The following COX4I2 variants were observed in gnomAD, a reference collection of about 807,000 sequenced individuals.
The protein encoded by COX4I2 is cytochrome c oxidase subunit 4 isoform 2, mitochondrial.
In COX4I2, 15 loss-of-function variants were observed where a neutral mutation model predicts 20.8. The ratio of observed to expected loss-of-function variants is 0.72; its 90% CI spans 0.48 to 1.11. COX4I2 has a LOEUF of 1.11. COX4I2 is among the 50% of genes most tolerant of loss of function. The pLI is 0.00. For missense variants in COX4I2, 224 were observed against 223.0 expected, an observed-to-expected ratio of 1.00 and a Z score of -0.03; for synonymous variants, 80 against 78.1, an observed-to-expected ratio of 1.02 and a Z score of -0.13.
In COX4I2 at chr20:31,640,067, A is replaced by C. The variant is rs768099691; in HGVS notation, c.217A>C (p.Thr73Pro). Reference protein sequence around the residue: ...ALKEKEKGSWTQLTHAEKVAL... With the variant: ...ALKEKEKGSWPQLTHAEKVAL... ...GAAGGAGAAGGAGAAGGGAAGCTGG[A>C]CCCAGCTGACCCACGCCGAAAAGGT... The change falls in exon 3 of 5, where the codon ACC becomes CCC. Residue 73 changes from threonine to proline, a missense_variant. By Grantham distance (38) the Thr-to-Pro change is conservative. Transcript: ENST00000376075. 53 of 1,612,578 alleles carry C rather than the reference A, an allele frequency of 3.3e-5. No individual in the cohort carries two copies. The highest frequency in any genetic ancestry group is 4.0e-5 in the Non-Finnish European group (47 of 1,179,958).
intron 2 of COX4I2, 40 bp downstream of exon 2, chr20:31,639,139 A>G: frequency 6.3e-7 from 1 of 1,577,042 alleles, no homozygotes; most frequent in Non-Finnish European, 8.6e-7. Flanking sequence ...AACTCCAGAG[A>G]TAGGGGCAGG....
chr20:31,642,004 CTATT>C (rs966646469), intron 3 of COX4I2, among the ~76,000 whole-genome samples: 40 of 151,972 alleles, frequency 2.6e-4, no homozygotes, highest in Non-Finnish European at 5.1e-4. Flanking sequence ...CCATGCCCGG[CTATT>C]TATTTATTTA....
At chr20:31,639,905 G>T in intron 2 of COX4I2, 28 bp from the exon 3 acceptor site, 1 of 1,613,646 alleles carries the variant, frequency 6.2e-7, no homozygotes, top group Non-Finnish European at 8.5e-7. Context: ...GGGCAGCCTG[G>T]ACTCAGCTCC....
intron 1 of COX4I2, 111 bp downstream of exon 1, chr20:31,638,073 GGTTGGGGGGCTTCTTGTAGGTTAGA>G (rs1228697166): frequency 1.3e-5 from 2 of 152,206 alleles, no homozygotes; most frequent in Non-Finnish European, 2.9e-5. Context: ...TGTCTTAGAG[GGTTGGGGGGCTTCTTGTAGGTTAGA>G]GTTGAAGACT....
chr20:31,643,429 C>G lies in COX4I2; in HGVS notation c.273C>G (p.Thr91=), dbSNP rs537859985. The change falls in exon 4 of 5, where the codon ACC becomes ACG. Residue 91 remains threonine, a synonymous_variant. Coordinates refer to ENST00000376075, the MANE Select transcript of COX4I2 (RefSeq NM_032609.3). ...TGTACCGGCTCCAGTTCAATGAGAC[C>G]TTTGCGGAGATGAACCGTCGCTCCA... ...VALYRLQFNE[T]FAEMNRRSNE... The G allele has an allele frequency of 4.3e-6, 7 of 1,614,172 alleles. No individual in the cohort carries two copies. The highest frequency in any genetic ancestry group is 3.3e-5 in the South Asian group (3 of 91,084).
Position 31,640,036 on chromosome 20 carries a change from G to T in COX4I2, c.186G>T (p.Gln62His). ...PFCTELNAEE[Q>H]ALKEKEKGSW... is the part of the protein sequence containing the mutation. Reference sequence around the variant, plus strand: ...GCACAGAACTCAACGCTGAGGAGCAGGCCCTGAAGGAGAAGGAGAAGGGAA... The same window carrying T: ...GCACAGAACTCAACGCTGAGGAGCATGCCCTGAAGGAGAAGGAGAAGGGAA... The change falls in exon 3 of 5, where the codon CAG becomes CAT. Residue 62 changes from glutamine to histidine, a missense_variant. Gln to His is a conservative substitution (Grantham distance 24). Coordinates refer to ENST00000376075, the MANE Select transcript of COX4I2 (RefSeq NM_032609.3). The T allele has an allele frequency of 6.2e-7, 1 of 1,613,972 alleles. No individual in the cohort carries two copies. Among genetic ancestry groups the T allele is most frequent in the Non-Finnish European group, 8.5e-7 (1 of 1,180,032 alleles).
chr20:31,638,436 G>C (rs1380819008), intron 1 of COX4I2, among the ~76,000 whole-genome samples: 1 of 146,876 alleles, frequency 6.8e-6, no homozygotes, highest in South Asian at 2.2e-4. Context: ...GTCTTCCCTG[G>C]GGGTGGGAGA....
At chr20:31,638,299 T>C (rs1315247825) in intron 1 of COX4I2, among the ~76,000 whole-genome samples, 1 of 151,506 alleles carries the variant, frequency 6.6e-6, no homozygotes, top group Non-Finnish European at 1.5e-5. Flanking sequence ...ATTTGTTGGG[T>C]GCCCCTCTCT....
At chr20:31,642,342 A>C (rs1306794645) in intron 3 of COX4I2, among the ~76,000 whole-genome samples, 1 of 151,970 alleles carries the variant, frequency 6.6e-6, no homozygotes, top group African/African-American at 2.4e-5. Flanking sequence ...CCTTTTCCCA[A>C]GGAATTCTGC....
rs149245323 is a variant in COX4I2, at chr20:31,643,409, C to T, written c.253C>T (p.Arg85Trp). 5.0e-4 allele frequency: 800 copies of T among 1,614,106 alleles called. 1 individual carries two copies. The highest frequency in any genetic ancestry group is 3.8e-3 in the Middle Eastern group (23 of 6,014). ...LTHAEKVALY[R>W]LQFNETFAEM... ...CCACACCCAACTGCCTCCAGTGTAC[C>T]GGCTCCAGTTCAATGAGACCTTTGC... The change falls in exon 4 of 5, where the codon CGG (arginine) becomes TGG (tryptophan). Residue 85 changes from arginine (R) to tryptophan (W), a missense_variant. Arg to Trp is a moderately radical substitution (Grantham distance 101). Transcript: ENST00000376075.
At chr20:31,640,348 G>A (rs1046955609) in intron 3 of COX4I2, among the ~76,000 whole-genome samples, 49 of 152,134 alleles carry the variant, frequency 3.2e-4, no homozygotes, top group African/African-American at 1.1e-3. Context: ...TGGTGCCCCC[G>A]GTCCCGTGGG....
chr20:31,644,905 C>T lies in COX4I2; in HGVS notation c.*1C>T, dbSNP rs2060488212. 3 of 1,613,526 alleles carry T rather than the reference C, an allele frequency of 1.9e-6. No individual in the cohort carries two copies. The highest frequency in any genetic ancestry group is 8.5e-7 in the Non-Finnish European group (1 of 1,179,740). On this transcript the variant is annotated 3_prime_UTR_variant, in exon 5 of 5. Transcript: ENST00000376075. ...TGAGAAGAAGCAGTGGAAGAAGTGA[C>T]TTGCATCCCCAGCTGTCTCCCTGAG...
chr20:31,641,843 G>T (rs1049138901), intron 3 of COX4I2, among the ~76,000 whole-genome samples: 1 of 151,162 alleles, frequency 6.6e-6, no homozygotes, highest in Non-Finnish European at 1.5e-5. Context: ...TGGGACTACA[G>T]GCGGGCGCCA....
Position 31,644,665 on chromosome 20 carries a change from C to G in COX4I2, c.380-103C>G, listed in dbSNP as rs576277704. 1.1e-4 allele frequency: 144 copies of G among 1,340,340 alleles called. 3 individuals carry two copies. The South Asian group carries it at 1.6e-3, about 15-fold the overall frequency. 83.0% of individuals were successfully genotyped at this position (1,340,340 alleles called of 1,614,324 possible). A position where few individuals can be genotyped will look rare whatever the true frequency, so the allele number is the denominator to read the frequency against. ...TACTTCAACCCTGGAGTATCTTGTA[C>G]CGTCAGCCTTGCGAGTGGCTGGGAG... is the stretch of plus-strand genomic sequence containing the variant. On this transcript the variant is annotated intron_variant, in intron 4 of 4. Transcript: ENST00000376075.
At chr20:31,642,756 A>T (rs1411609767) in intron 3 of COX4I2, among the ~76,000 whole-genome samples, 6 of 151,616 alleles carry the variant, frequency 4.0e-5, no homozygotes, top group Admixed American at 3.9e-4. Flanking sequence ...TAATTTTTAA[A>T]TTTTTTCTAG....
chr20:31,638,182 A>T (rs1183737376), intron 1 of COX4I2, among the ~76,000 whole-genome samples: 1 of 151,796 alleles, frequency 6.6e-6, no homozygotes, highest in Non-Finnish European at 1.5e-5. Context: ...TGATATGTGG[A>T]GCTCTCCCAC....
chr20:31,638,881 C>A (rs2060451005), intron 1 of COX4I2, 137 bp from the exon 2 acceptor site: 4 of 925,148 alleles, frequency 4.3e-6, no homozygotes, highest in South Asian at 1.4e-5. Context: ...GGGTCAAGGG[C>A]ATGAGGGTGA....
intron 3 of COX4I2, among the ~76,000 whole-genome samples, chr20:31,641,995 C>T (rs1452721818): frequency 6.6e-6 from 1 of 152,024 alleles, no homozygotes; most frequent in Admixed American, 6.6e-5. Flanking sequence ...GGTGAGCTAC[C>T]ATGCCCGGCT....
intron 3 of COX4I2, among the ~76,000 whole-genome samples, chr20:31,642,240 C>T (rs1279990278): frequency 6.6e-6 from 1 of 152,242 alleles, no homozygotes; most frequent in East Asian, 1.9e-4. Context: ...CATGGCTCTA[C>T]CACAGCCACA....
Sources: allele counts gnomAD v4.1 joint callset (sites outside exome capture counted in the v4.1 genomes callset), GRCh38; gene constraint gnomAD v4.1.1; transcripts MANE v1.5; gene names NCBI Gene and HGNC (gene_info 2026-07-23, HGNC 2026-07-21).